DDX4: variants seen among roughly 807,000 people sequenced by gnomAD.
DDX4 encodes the protein DEAD-box helicase 4, also known as probable ATP-dependent RNA helicase DDX4.
DDX4 carries 25 observed loss-of-function variants against 100.0 expected under a neutral mutation model. The ratio of observed to expected loss-of-function variants is 0.25; its 90% CI spans 0.18 to 0.35. The LOEUF is 0.35. Ranked by LOEUF, DDX4 falls within the 10% of genes least tolerant of loss-of-function variation. The pLI is 1.00. For missense variants in DDX4, 635 were observed against 882.4 expected (o/e 0.72, Z 3.55); for synonymous variants, 259 against 275.7 (o/e 0.94, Z 0.60).
chr5:55,791,884 G>A (rs1022460654), intron 16 of DDX4, among the ~76,000 whole-genome samples: 4 of 152,080 alleles, frequency 2.6e-5, no homozygotes, highest in Non-Finnish European at 4.4e-5. Context: ...AGCCGAGGCA[G>A]GCATATCACG....
intron 18 of DDX4, among the ~76,000 whole-genome samples, chr5:55,807,666 C>CTACAA (rs1235039520): frequency 6.6e-6 from 1 of 152,222 alleles, no homozygotes; most frequent in Non-Finnish European, 1.5e-5. Context: ...TCTCTTCTGA[C>CTACAA]TTGTAGAGTT....
intron 1 of DDX4, 52 bp from the exon 2 acceptor site, chr5:55,738,898 T>C: frequency 1.0e-6 from 1 of 996,100 alleles, no homozygotes; most frequent in Non-Finnish European, 1.6e-6. Context: ...TTTAAAGTTA[T>C]GATTCTGATC....
At chr5:55,807,118 T>C (rs1713432355) in intron 18 of DDX4, among the ~76,000 whole-genome samples, 1 of 152,242 alleles carries the variant, frequency 6.6e-6, no homozygotes, top group Admixed American at 6.5e-5. Flanking sequence ...GTTTAAAGTC[T>C]GTTTTATCAG....
chr5:55,748,328 A>G (rs548171593), intron 3 of DDX4, among the ~76,000 whole-genome samples: 6 of 152,302 alleles, frequency 3.9e-5, no homozygotes, highest in African/African-American at 7.2e-5. Context: ...TAACATGTCT[A>G]TTTACATCGA....
At chr5:55,792,227 CTTAATT>C (rs912134592) in intron 16 of DDX4, among the ~76,000 whole-genome samples, 5 of 150,014 alleles carry the variant, frequency 3.3e-5, no homozygotes, top group Non-Finnish European at 7.4e-5. Context: ...TTCTTTTAGA[CTTAATT>C]TTAAAAATGC....
chr5:55,749,180 G>A lies in DDX4; in HGVS notation c.127+2959G>A, dbSNP rs979794762. Among the ~76,000 whole-genome samples, 5 of 152,298 alleles carry A rather than the reference G, an allele frequency of 3.3e-5. No individual in the cohort carries two copies. The East Asian group carries it at 7.7e-4, about 23-fold the overall frequency. On this transcript the variant is annotated intron_variant, in intron 3 of 21. Transcript: ENST00000505374. ...TTATGCCTGTAATCCCTTTGCTTTGGGAGGCTGAGGTGGGAGAATTGCCTG... is the reference window on the plus strand; with the variant it reads ...TTATGCCTGTAATCCCTTTGCTTTGAGAGGCTGAGGTGGGAGAATTGCCTG...
intron 18 of DDX4, among the ~76,000 whole-genome samples, chr5:55,805,988 A>T (rs538552573): frequency 6.6e-6 from 1 of 152,032 alleles, no homozygotes; most frequent in African/African-American, 2.4e-5. Context: ...ATTAATTATT[A>T]CCTCAATTTC....
intron 14 of DDX4, among the ~76,000 whole-genome samples, chr5:55,787,528 G>A (rs935718259): frequency 1.3e-5 from 2 of 152,138 alleles, no homozygotes; most frequent in Non-Finnish European, 2.9e-5. Context: ...ATGATTTGCA[G>A]CGATTACATC....
intron 21 of DDX4, among the ~76,000 whole-genome samples, chr5:55,815,665 T>G (rs1179087169): frequency 1.3e-5 from 2 of 152,218 alleles, no homozygotes; most frequent in African/African-American, 4.8e-5. Context: ...AATTTTAATT[T>G]GGAATCTTTT....
In DDX4 at chr5:55,785,871, G is replaced by C. The variant is rs778001507; in HGVS notation, c.864G>C (p.Leu288=). The C allele has an allele frequency of 6.2e-7, 1 of 1,603,250 alleles. No individual in the cohort carries two copies. The highest frequency in any genetic ancestry group is 1.1e-5 in the South Asian group (1 of 90,708). The change falls in exon 13 of 22, where the codon CTG becomes CTC. Residue 288 remains leucine, a splice_region_variant and synonymous_variant. Coordinates refer to ENST00000505374, the MANE Select transcript of DDX4 (RefSeq NM_024415.3). ...VSGHDAPPAI[L]TFEEANLCQT... ...GACATGATGCACCACCAGCAATTCT[G>C]GTCAGTGTATTAATTGTTTCTGTAT...
chr5:55,776,199 A>G (rs1741551390), intron 7 of DDX4, among the ~76,000 whole-genome samples: 1 of 152,224 alleles, frequency 6.6e-6, no homozygotes, highest in African/African-American at 2.4e-5. Flanking sequence ...AAAGGTAAAG[A>G]TTAAACACAG....
chr5:55,788,026 A>C (rs1205313910), intron 15 of DDX4, 26 bp downstream of exon 15: 3 of 1,559,340 alleles, frequency 1.9e-6, no homozygotes, highest in Non-Finnish European at 2.6e-6. Flanking sequence ...TGCTACTCAC[A>C]AAATAGTTTT....
At chr5:55,779,815 T>C (rs1238535875) in intron 7 of DDX4, 149 bp from the exon 8 acceptor site, 1 of 1,318,132 alleles carries the variant, frequency 7.6e-7, no homozygotes, top group African/African-American at 1.5e-5. Context: ...ACTTAATAGG[T>C]CAAAATGTCA....
At chr5:55,797,834 G>A (rs1450108659) in intron 17 of DDX4, among the ~76,000 whole-genome samples, 2 of 152,164 alleles carry the variant, frequency 1.3e-5, no homozygotes, top group African/African-American at 2.4e-5. Flanking sequence ...TCCTGATTCC[G>A]CTATGTCCCT....
intron 3 of DDX4, among the ~76,000 whole-genome samples, chr5:55,751,495 A>G (rs1759548010): frequency 6.6e-6 from 1 of 152,210 alleles, no homozygotes; most frequent in Admixed American, 6.5e-5. Context: ...TTGGCCTCCC[A>G]AAGTGCTGGG....
chr5:55,777,223 C>T (rs987130291), intron 7 of DDX4, among the ~76,000 whole-genome samples: 5 of 152,126 alleles, frequency 3.3e-5, no homozygotes, highest in Admixed American at 1.3e-4. Context: ...CGAAAAAACT[C>T]TGTAAAGAGA....
chr5:55,803,522 G>C (rs546158468), intron 18 of DDX4, among the ~76,000 whole-genome samples: 2 of 120,096 alleles, frequency 1.7e-5, no homozygotes, highest in African/African-American at 3.4e-5. Flanking sequence ...TCCCCTTCCT[G>C]TGTCCATGTG....
At chr5:55,768,180 A>G in intron 7 of DDX4, 1 of 479,184 alleles carries the variant, frequency 2.1e-6, no homozygotes, top group Non-Finnish European at 3.8e-6. Flanking sequence ...TTTGTTATCT[A>G]GGTAAATTGC....
At chr5:55,749,256 ACTGT>A (rs775098166) in intron 3 of DDX4, among the ~76,000 whole-genome samples, 4 of 152,136 alleles carry the variant, frequency 2.6e-5, no homozygotes, top group Non-Finnish European at 5.9e-5. Flanking sequence ...AAAGTGAGAC[ACTGT>A]CTGTACAAAA....
Sources: gnomAD v4.1 joint callset for allele counts (sites outside exome capture counted in the v4.1 genomes callset) on GRCh38, gnomAD v4.1.1 for gene constraint, MANE v1.5 for transcripts, NCBI Gene and HGNC (gene_info 2026-07-23, HGNC 2026-07-21) for gene names.